The following CFAP92 variants were observed in gnomAD, a reference collection of about 807,000 sequenced individuals.
The protein encoded by CFAP92 is cilia and flagella associated protein 92 (putative).
A neutral mutation model predicts 106.3 loss-of-function variants in CFAP92; 86 were observed. That is an observed-to-expected ratio of 0.81 (90% CI 0.68 to 0.97). CFAP92 has a LOEUF of 0.97. Ranked by LOEUF, CFAP92 falls within the 50% of genes least tolerant of loss-of-function variation. The pLI, the probability that CFAP92 is intolerant of heterozygous loss-of-function variation, is 0.00. For synonymous variants in CFAP92, 477 were observed against 506.4 expected, an observed-to-expected ratio of 0.94 and a Z score of 0.78; for missense variants, 1,204 against 1,283.8, an observed-to-expected ratio of 0.94 and a Z score of 0.95.
intron 2 of CFAP92, among the ~76,000 whole-genome samples, chr3:128,990,669 G>A (rs953520379): frequency 1.3e-5 from 2 of 152,028 alleles, no homozygotes; most frequent in Non-Finnish European, 2.9e-5. Flanking sequence ...GCCAAGGCGG[G>A]TGGATCACCT....
chr3:128,921,127 T>C (rs1937244978), intron 12 of CFAP92, among the ~76,000 whole-genome samples: 1 of 152,120 alleles, frequency 6.6e-6, no homozygotes, highest in Non-Finnish European at 1.5e-5. Flanking sequence ...TGCACTCTTG[T>C]CTCATCTGTT....
chr3:128,987,877 AGGCCGT>A, intron 3 of CFAP92, 48 bp from the exon 4 acceptor site: 4 of 1,511,394 alleles, frequency 2.6e-6, no homozygotes, highest in Middle Eastern at 1.8e-4. Context: ...AGATGTGCAA[AGGCCGT>A]GGCGAACAGA....
intron 10 of CFAP92, among the ~76,000 whole-genome samples, chr3:128,942,916 C>CA (rs1939793570): frequency 1.2e-5 from 1 of 84,974 alleles, no homozygotes; most frequent in East Asian, 4.3e-4. Context: ...AAAACTCAAC[C>CA]TTTTTTTTTT....
At chr3:128,938,679 A>G (rs1939315901) in intron 10 of CFAP92, among the ~76,000 whole-genome samples, 1 of 151,724 alleles carries the variant, frequency 6.6e-6, no homozygotes, top group Non-Finnish European at 1.5e-5. Flanking sequence ...TTTTTAGTAG[A>G]GACAGGGTTT....
intron 9 of CFAP92, among the ~76,000 whole-genome samples, chr3:128,962,599 TAAGAG>T (rs1942026600): frequency 6.6e-6 from 1 of 152,090 alleles, no homozygotes; most frequent in Admixed American, 6.6e-5. Context: ...CCCACAAGTA[TAAGAG>T]ACCTCTACTC....
chr3:128,957,384 A>G (rs1159670484), intron 9 of CFAP92, among the ~76,000 whole-genome samples: 2 of 152,238 alleles, frequency 1.3e-5, no homozygotes. Flanking sequence ...TAAAGTTTCT[A>G]TATTTCACTC....
the CFAP92 span, among the ~76,000 whole-genome samples, chr3:129,017,886 T>G: frequency 8.8e-3 from 1,335 of 152,300 alleles, 21 homozygotes; most frequent in African/African-American, 0.03. Flanking sequence ...GGCAGACATT[T>G]CACTGGAAAG....
chr3:128,928,214 C>G (rs1334641705), intron 12 of CFAP92, among the ~76,000 whole-genome samples: 2 of 152,174 alleles, frequency 1.3e-5, no homozygotes, highest in Non-Finnish European at 2.9e-5. Flanking sequence ...GATCGTGCCA[C>G]TGCACTCCAG....
chr3:128,962,561 G>A lies in CFAP92; in HGVS notation c.1353+2950C>T, dbSNP rs552303326. Among the ~76,000 whole-genome samples, 735 of 151,862 alleles carry A rather than the reference G, an allele frequency of 4.8e-3. 7 individuals carry two copies. Among genetic ancestry groups the A allele is most frequent in the African/African-American group, 0.017 (698 of 41,372 alleles). On this transcript the variant is annotated intron_variant, in intron 9 of 15. Transcript: ENST00000645291. Reference sequence around the variant, plus strand: ...CTTCCCAATCCAAAGCCTCCTTTGCGTCCTCCTCTTGTATTCCCCCACCTT... The same window carrying A: ...CTTCCCAATCCAAAGCCTCCTTTGCATCCTCCTCTTGTATTCCCCCACCTT...
chr3:129,025,642 T>C, the CFAP92 span, among the ~76,000 whole-genome samples: 4 of 152,182 alleles, frequency 2.6e-5, no homozygotes, highest in Non-Finnish European at 5.9e-5. Flanking sequence ...GGAGCTATTA[T>C]AGCATGTGAG....
chr3:128,957,765 C>G (rs1277841582), intron 9 of CFAP92, among the ~76,000 whole-genome samples: 1 of 152,190 alleles, frequency 6.6e-6, no homozygotes, highest in Admixed American at 6.5e-5. Context: ...AGGCCAGTCT[C>G]AAAAGGTCAC....
chr3:129,024,784 C>T, the CFAP92 span, among the ~76,000 whole-genome samples: 3 of 152,140 alleles, frequency 2.0e-5, no homozygotes, highest in Non-Finnish European at 4.4e-5. Flanking sequence ...TTCAAGGCCC[C>T]ACCTCTCTAC....
At chr3:128,929,537 G>A (rs1938099865) in intron 12 of CFAP92, among the ~76,000 whole-genome samples, 2 of 152,172 alleles carry the variant, frequency 1.3e-5, no homozygotes, top group African/African-American at 4.8e-5. Context: ...TCCAAAAAGT[G>A]GTGAATGGAT....
At chr3:129,006,237 A>G (rs908837007), upstream of CFAP92, among the ~76,000 whole-genome samples, 2 of 152,226 alleles carry the variant, frequency 1.3e-5, no homozygotes, top group African/African-American at 4.8e-5. Context: ...CAGACCTTGC[A>G]TCTGCTGATC....
At chr3:128,928,483 T>C (rs1235752588) in intron 12 of CFAP92, among the ~76,000 whole-genome samples, 2 of 152,222 alleles carry the variant, frequency 1.3e-5, no homozygotes, top group East Asian at 3.8e-4. Context: ...TAATGGAACA[T>C]AGTTTAGAAC....
intron 9 of CFAP92, among the ~76,000 whole-genome samples, chr3:128,962,683 T>C (rs1942035201): frequency 1.3e-5 from 2 of 152,280 alleles, no homozygotes; most frequent in Non-Finnish European, 2.9e-5. Context: ...CCCCGCTCAA[T>C]GCCAATATCC....
intron 8 of CFAP92, chr3:128,970,545 C>T (rs956491122): frequency 1.1e-4 from 16 of 152,116 alleles, no homozygotes; most frequent in Non-Finnish European, 2.1e-4. Flanking sequence ...CCATATTACT[C>T]TTTTTTGGAA....
intron 9 of CFAP92, among the ~76,000 whole-genome samples, chr3:128,956,216 A>AAAAAAAAAAAAAAAAAAAAT (rs1559894787): frequency 1.3e-5 from 1 of 79,484 alleles, no homozygotes; most frequent in African/African-American, 1.6e-4. Flanking sequence ...ATAAAAAAAT[A>AAAAAAAAAAAAAAAAAAAAT]AAAAAAAAAA....
chr3:128,985,537 C>G (rs1032630460), intron 4 of CFAP92, among the ~76,000 whole-genome samples: 1 of 152,192 alleles, frequency 6.6e-6, no homozygotes, highest in Non-Finnish European at 1.5e-5. Flanking sequence ...CCACCAAATT[C>G]CCTTTACCCA....
Sources: gnomAD v4.1 joint callset for allele counts (sites outside exome capture counted in the v4.1 genomes callset) on GRCh38, gnomAD v4.1.1 for gene constraint, MANE v1.5 for transcripts, NCBI Gene and HGNC (gene_info 2026-07-23, HGNC 2026-07-21) for gene names.